The following SSH2 variants were observed in gnomAD, a reference collection of about 807,000 sequenced individuals.
The protein encoded by SSH2 is slingshot protein phosphatase 2, also known as protein phosphatase Slingshot homolog 2.
Under a neutral mutation model 135.2 loss-of-function variants are expected in SSH2, and 37 were observed. That is an observed-to-expected ratio of 0.27 (90% CI 0.21 to 0.36). The LOEUF (loss-of-function observed/expected upper bound fraction) is 0.36. Among genes scored for constraint, SSH2 ranks in the 10% least tolerant of loss-of-function variants. The probability of loss-of-function intolerance (pLI) is 1.00; values close to 1 mark genes in which losing one functional copy is unlikely to be tolerated. For missense variants in SSH2, 1,408 were observed against 1,765.3 expected (o/e 0.80, Z 3.63); for synonymous variants, 628 against 646.2 (o/e 0.97, Z 0.43).
intron 2 of SSH2, among the ~76,000 whole-genome samples, chr17:29,841,005 C>T (rs1270611099): frequency 3.0e-4 from 45 of 152,104 alleles, no homozygotes; most frequent in Non-Finnish European, 5.9e-5. Flanking sequence ...TGAGAGAGCC[C>T]TCTAAAAAGC....
intron 3 of SSH2, among the ~76,000 whole-genome samples, chr17:29,734,027 T>C (rs2040287418): frequency 6.6e-6 from 1 of 151,672 alleles, no homozygotes; most frequent in Admixed American, 6.6e-5. Context: ...CAAGCGATTC[T>C]CCTGCCTCAG....
chr17:29,892,190 G>A (rs896269942), intron 1 of SSH2, among the ~76,000 whole-genome samples: 4 of 151,962 alleles, frequency 2.6e-5, no homozygotes, highest in Non-Finnish European at 4.4e-5. Context: ...ACAGACATGT[G>A]CCACAGCATT....
At chr17:29,745,518 CACTT>C (rs751777556) in intron 3 of SSH2, among the ~76,000 whole-genome samples, 3 of 152,318 alleles carry the variant, frequency 2.0e-5, no homozygotes, top group South Asian at 4.1e-4. Flanking sequence ...GTTCATCTGA[CACTT>C]ACCATGCAAT....
chr17:29,643,243 C>T (rs2150986351), intron 14 of SSH2: 1 of 985,262 alleles, frequency 1.0e-6, no homozygotes, highest in Admixed American at 6.1e-5. Flanking sequence ...AGTTAGCCTA[C>T]AAGTACCAAG....
chr17:29,811,991 G>A (rs2042450708), intron 2 of SSH2, among the ~76,000 whole-genome samples: 1 of 151,868 alleles, frequency 6.6e-6, no homozygotes, highest in African/African-American at 2.4e-5. Context: ...TATAAAAGAG[G>A]AGATTACATA....
At chr17:29,655,666 A>C (rs940643323) in intron 11 of SSH2, 59 bp from the exon 12 acceptor site, 15 of 1,481,652 alleles carry the variant, frequency 1.0e-5, no homozygotes, top group Admixed American at 1.7e-5. Context: ...ACAATACTTG[A>C]AAAGGAGCGA....
In SSH2 at chr17:29,738,559, TA is replaced by T. The variant is rs200528200; in HGVS notation, c.189-35498del. ...TTTTTTTTTCTTTTTTATTTTATTTTATTTTTTTTTTTGAGACGGAGTCTCG... is the reference window on the plus strand; with the variant it reads ...TTTTTTTTTCTTTTTTATTTTATTTTTTTTTTTTTTTGAGACGGAGTCTCG... On this transcript the variant is annotated intron_variant, in intron 3 of 15. Transcript: ENST00000540801. Among the ~76,000 whole-genome samples the T allele has an allele frequency of 2.2e-3, 321 of 147,732 alleles. 17 individuals are homozygous for T. Among genetic ancestry groups the T allele is most frequent in the Non-Finnish European group, 2.5e-3 (168 of 66,666 alleles).
intron 1 of SSH2, among the ~76,000 whole-genome samples, chr17:29,902,702 C>T (rs183082440): frequency 7.8e-4 from 119 of 152,118 alleles, no homozygotes; most frequent in Middle Eastern, 3.4e-3. Context: ...CTCTTCCCCC[C>T]TCCCTCACCC....
At chr17:29,738,801 G>T (rs1278204393) in intron 3 of SSH2, among the ~76,000 whole-genome samples, 1 of 152,018 alleles carries the variant, frequency 6.6e-6, no homozygotes, top group Non-Finnish European at 1.5e-5. Context: ...TGATCCGCCC[G>T]CCCCGGCCTC....
intron 3 of SSH2, among the ~76,000 whole-genome samples, chr17:29,730,091 T>C (rs919642751): frequency 1.2e-4 from 18 of 152,124 alleles, no homozygotes; most frequent in African/African-American, 4.1e-4. Context: ...GAGGCTGAGA[T>C]GGGCAAATGG....
intron 8 of SSH2, among the ~76,000 whole-genome samples, chr17:29,673,535 A>G (rs1209170450): frequency 6.6e-6 from 1 of 150,962 alleles, no homozygotes; most frequent in Non-Finnish European, 1.5e-5. Flanking sequence ...GTGCCACTGC[A>G]CTCCAGCCTG....
intron 11 of SSH2, among the ~76,000 whole-genome samples, chr17:29,664,173 G>T (rs1055262975): frequency 6.6e-6 from 1 of 152,106 alleles, no homozygotes; most frequent in African/African-American, 2.4e-5. Flanking sequence ...GGAGTTCAAG[G>T]CCAGTCTGGC....
intron 3 of SSH2, among the ~76,000 whole-genome samples, chr17:29,764,817 C>T (rs2041406396): frequency 6.6e-6 from 1 of 152,192 alleles, no homozygotes; most frequent in South Asian, 2.1e-4. Flanking sequence ...GCTTAAGGGA[C>T]TTCCATTACT....
Position 29,631,279 on chromosome 17 carries a change from A to C in SSH2, c.3915T>G (p.Pro1305=). 1 of 1,614,176 alleles carries C rather than the reference A, an allele frequency of 6.2e-7. No homozygotes were observed. ...LCKDCLPERE[P]ASCESPHLKL... ...TGAGATGAGGGGATTCACAGGAGGC[A>C]GGCTCCCTCTCTGGTAAGCAGTCTT... Residue 1305 remains proline, a synonymous_variant, in exon 16 of 16, where the codon CCT becomes CCG. Transcript: ENST00000540801.
chr17:29,875,181 TATC>T (rs1848605156), intron 1 of SSH2, among the ~76,000 whole-genome samples: 1 of 152,186 alleles, frequency 6.6e-6, no homozygotes, highest in Admixed American at 6.5e-5. Context: ...ATCTGAAACT[TATC>T]ATGTTAGAAC....
rs561981331 is a variant in SSH2, at chr17:29,702,452, C to CGAGGCCAGCCTGGCTAATGTGGT, written c.292+484_292+506dup. On this transcript the variant is annotated intron_variant, in intron 4 of 15. Transcript: ENST00000540801. ...GGCAGATCACCTGAGGTCAGGAGTT[C>CGAGGCCAGCCTGGCTAATGTGGT]GAGGCCAGCCTGGCTAATGTGGTAA... 6.4e-3 allele frequency among the ~76,000 whole-genome samples: 969 copies of CGAGGCCAGCCTGGCTAATGTGGT among 151,610 alleles called. 5 individuals carry two copies. Among genetic ancestry groups the CGAGGCCAGCCTGGCTAATGTGGT allele is most frequent in the African/African-American group, 0.022 (927 of 41,278 alleles).
chr17:29,699,750 CT>C (rs2038902938), intron 4 of SSH2, among the ~76,000 whole-genome samples: 1 of 152,158 alleles, frequency 6.6e-6, no homozygotes, highest in Admixed American at 6.6e-5. Context: ...CTTCTTTTTA[CT>C]GTAAGGGATA....
chr17:29,773,584 T>A (rs181870916), intron 3 of SSH2, among the ~76,000 whole-genome samples: 7 of 152,252 alleles, frequency 4.6e-5, no homozygotes, highest in African/African-American at 1.7e-4. Flanking sequence ...CTCCATCAGA[T>A]GGTTTACACA....
chr17:29,813,806 G>A (rs1406473511), intron 2 of SSH2, among the ~76,000 whole-genome samples: 1 of 149,844 alleles, frequency 6.7e-6, no homozygotes, highest in Admixed American at 6.7e-5. Flanking sequence ...AGAGAAGAGC[G>A]AGACTTCATC....
Sources: gnomAD v4.1 joint callset for allele counts (sites outside exome capture counted in the v4.1 genomes callset) on GRCh38, gnomAD v4.1.1 for gene constraint, MANE v1.5 for transcripts, NCBI Gene and HGNC (gene_info 2026-07-23, HGNC 2026-07-21) for gene names.